Variants in ATXN1 observed in about 807,000 individuals in gnomAD.
ATXN1 encodes the protein ataxin-1.
In ATXN1, 8 loss-of-function variants were observed where a neutral mutation model predicts 56.4. That is an observed-to-expected ratio of 0.14 (90% confidence interval 0.08 to 0.26). The LOEUF is 0.26. Ranked by LOEUF, ATXN1 falls within the 10% of genes least tolerant of loss-of-function variation. The pLI, the probability that ATXN1 is intolerant of heterozygous loss-of-function variation, is 1.00. For missense variants in ATXN1, 987 were observed against 1,106.5 expected, an observed-to-expected ratio of 0.89 and a Z score of 1.53; for synonymous variants, 514 against 494.6, an observed-to-expected ratio of 1.04 and a Z score of -0.52.
chr6:16,447,593 G>A (rs184528012), intron 6 of ATXN1, among the ~76,000 whole-genome samples: 28 of 152,288 alleles, frequency 1.8e-4, no homozygotes, highest in Non-Finnish European at 3.8e-4. Context: ...CTGGCGTCAA[G>A]TGATCCTCCC....
rs796958059 is a variant in ATXN1 at position 16,389,493 on chromosome 6, C to CT, written c.-160-61024dup. Among the ~76,000 whole-genome samples the CT allele has an allele frequency of 6.5e-4, 99 of 152,264 alleles. 2 individuals are homozygous for CT. The highest frequency in any genetic ancestry group is 2.3e-3 in the African/African-American group (95 of 41,558). ...CCACTTCCCAATTTCATTTGACTTC[C>CT]TTTTGCCTTGAGAGTCCTTAATTTT... is the stretch of plus-strand genomic sequence containing the variant. On this transcript the variant is annotated intron_variant, in intron 6 of 7. Transcript: ENST00000436367.
At chr6:16,420,671 A>G (rs573436588) in intron 6 of ATXN1, among the ~76,000 whole-genome samples, 53 of 152,350 alleles carry the variant, frequency 3.5e-4, no homozygotes, top group Non-Finnish European at 6.5e-4. Flanking sequence ...TCAAATCTGA[A>G]GTAATTATTA....
intron 3 of ATXN1, among the ~76,000 whole-genome samples, chr6:16,604,316 C>T (rs923164203): frequency 2.3e-5 from 3 of 128,680 alleles, no homozygotes; most frequent in African/African-American, 8.5e-5. Flanking sequence ...CACAGCAAAA[C>T]TCTGTCTCAA....
At chr6:16,350,439 T>C (rs570510873) in intron 6 of ATXN1, among the ~76,000 whole-genome samples, 1 of 152,202 alleles carries the variant, frequency 6.6e-6, no homozygotes, top group African/African-American at 2.4e-5. Context: ...CAGCATGCAC[T>C]CCGGTTCCAT....
At chr6:16,441,735 A>G (rs1168845918) in intron 6 of ATXN1, among the ~76,000 whole-genome samples, 1 of 152,162 alleles carries the variant, frequency 6.6e-6, no homozygotes, top group Non-Finnish European at 1.5e-5. Flanking sequence ...TTCTAGATGA[A>G]GACCAAATAA....
rs1479299043 is a variant in ATXN1 at position 16,306,526 on chromosome 6, C to T, written c.2251G>A (p.Gly751Arg). The change falls in exon 8 of 8, where the codon GGA (glycine) becomes AGA (arginine). Residue 751 changes from glycine (G) to arginine (R), a missense_variant. Physicochemically the swap from Gly to Arg is moderately radical, Grantham distance 125. Around this residue, in one of 3 missense-constraint regions of ATXN1, gnomAD observed 196 missense variants for 196.7 expected, o/e 1.00. Coordinates refer to ENST00000436367, the MANE Select transcript of ATXN1 (RefSeq NM_001128164.2). The surrounding 1 kb of genome is among the most constrained non-coding windows in gnomAD (Gnocchi z 5.2). Reference protein sequence around the residue: ...NGELKFPEKMGLPAAPFLTKI... With the variant: ...NGELKFPEKMRLPAAPFLTKI... The stretch of plus-strand genomic sequence containing the variant: ...GTGAGGAAGGGCGCTGCAGGCAATC[C>T]CATTTTCTCTGGAAACTTCAGTTCG... 1.9e-6 allele frequency: 3 copies of T among 1,614,178 alleles called. No homozygotes were observed. Among genetic ancestry groups the T allele is most frequent in the Middle Eastern group, 3.3e-4 (2 of 6,062 alleles).
intron 4 of ATXN1, among the ~76,000 whole-genome samples, chr6:16,581,230 C>T (rs236966): frequency 0.12 from 15,378 of 127,658 alleles, 2,318 homozygotes; most frequent in African/African-American, 0.36. Context: ...TGTGTGCGCG[C>T]GTGTGTGTGT....
intron 2 of ATXN1, among the ~76,000 whole-genome samples, chr6:16,723,469 GACAAA>G (rs549454456): frequency 1.3e-5 from 2 of 152,278 alleles, no homozygotes; most frequent in African/African-American, 4.8e-5. Flanking sequence ...AGGAGGAAGA[GACAAA>G]ACTCAAGTAC....
At chr6:16,451,473 A>G (rs933349660) in intron 6 of ATXN1, among the ~76,000 whole-genome samples, 2 of 152,190 alleles carry the variant, frequency 1.3e-5, no homozygotes, top group African/African-American at 4.8e-5. Context: ...TCAAAAAAAA[A>G]GGCCAGGTGC....
intron 6 of ATXN1, among the ~76,000 whole-genome samples, chr6:16,431,344 GT>G (rs1411542021): frequency 3.9e-5 from 6 of 152,162 alleles, no homozygotes; most frequent in African/African-American, 1.4e-4. Context: ...AATTCAGTTT[GT>G]TCCACCCGTT....
intron 4 of ATXN1, among the ~76,000 whole-genome samples, chr6:16,570,592 T>C (rs886282825): frequency 1.3e-5 from 2 of 152,212 alleles, no homozygotes; most frequent in African/African-American, 4.8e-5. Flanking sequence ...AAGTGAACTT[T>C]GTTGAAAACA....
At chr6:16,341,239 C>T (rs1761239371) in intron 6 of ATXN1, among the ~76,000 whole-genome samples, 1 of 152,188 alleles carries the variant, frequency 6.6e-6, no homozygotes, top group Non-Finnish European at 1.5e-5. Context: ...TGTGGTCATG[C>T]TGAATAATGG....
chr6:16,596,314 C>G (rs942019904), intron 3 of ATXN1, among the ~76,000 whole-genome samples: 1 of 152,192 alleles, frequency 6.6e-6, no homozygotes. Context: ...CTTTTCTCCC[C>G]TATCCAAAGC....
chr6:16,644,065 T>G (rs545472118), intron 3 of ATXN1, among the ~76,000 whole-genome samples: 55 of 152,292 alleles, frequency 3.6e-4, no homozygotes, highest in South Asian at 3.5e-3. Context: ...AGAGACACAG[T>G]GTACAATAGA....
intron 6 of ATXN1, among the ~76,000 whole-genome samples, chr6:16,347,880 C>T (rs1017422441): frequency 1.3e-5 from 2 of 152,168 alleles, no homozygotes; most frequent in Non-Finnish European, 2.9e-5. Context: ...AAGCTTTGTT[C>T]TTTTTGTCTT....
chr6:16,415,268 C>T (rs759227186), intron 6 of ATXN1, among the ~76,000 whole-genome samples: 84 of 152,190 alleles, frequency 5.5e-4, no homozygotes, highest in Non-Finnish European at 1.0e-3. Context: ...CTCACTCTGT[C>T]GCCCAGACTG....
In ATXN1 at chr6:16,305,435, T is replaced by C. The variant is rs1456908126; in HGVS notation, c.*894A>G. 7 of 152,796 alleles carry C rather than the reference T, an allele frequency of 4.6e-5. No individual in the cohort carries two copies. In the East Asian group the frequency reaches 1.2e-3, roughly 25 times the overall value. 9.5% of individuals were successfully genotyped at this position (152,796 alleles called of 1,614,324 possible). A position where few individuals can be genotyped will look rare whatever the true frequency, so the allele number is the denominator to read the frequency against. ...CCTCTTGGGAGTGAAGTCAATGCAA[T>C]AACCTGATTGGTTTTCCTAACACTG... On this transcript the variant is annotated 3_prime_UTR_variant, in exon 8 of 8. Transcript: ENST00000436367.
chr6:16,700,229 T>C (rs940493951), intron 2 of ATXN1, among the ~76,000 whole-genome samples: 1 of 152,182 alleles, frequency 6.6e-6, no homozygotes, highest in African/African-American at 2.4e-5. Context: ...ACTGGCGATC[T>C]GGACAGGCTC....
intron 6 of ATXN1, among the ~76,000 whole-genome samples, chr6:16,393,397 G>C (rs1029427254): frequency 6.6e-6 from 1 of 152,018 alleles, no homozygotes; most frequent in Non-Finnish European, 1.5e-5. Context: ...ACCATACCCG[G>C]CTAATTTTTA....
Sources: gnomAD v4.1 joint callset for allele counts (sites outside exome capture counted in the v4.1 genomes callset) on GRCh38, gnomAD v4.1.1 for gene constraint, gnomAD v4.1.1 regional missense constraint, Gnocchi (gnomAD v3.1) non-coding constraint, MANE v1.5 for transcripts, NCBI Gene and HGNC (gene_info 2026-07-23, HGNC 2026-07-21) for gene names.